The following RAPGEF5 variants were observed in gnomAD, a reference collection of about 807,000 sequenced individuals.
RAPGEF5 encodes the protein M-Ras-regulated GEF.
RAPGEF5 carries 65 observed loss-of-function variants against 125.2 expected under a neutral mutation model. That is an observed-to-expected ratio of 0.52 (90% CI 0.43 to 0.64). The LOEUF is 0.64. Among genes scored for constraint, RAPGEF5 ranks in the 30% least tolerant of loss-of-function variants. The pLI, the probability that RAPGEF5 is intolerant of heterozygous loss-of-function variation, is 0.00. For synonymous variants in RAPGEF5, 391 were observed against 385.9 expected, an observed-to-expected ratio of 1.01 and a Z score of -0.16; for missense variants, 958 against 1,048.1, an observed-to-expected ratio of 0.91 and a Z score of 1.19.
chr7:22,268,448 C>T (rs193290509), intron 6 of RAPGEF5, among the ~76,000 whole-genome samples: 12 of 152,232 alleles, frequency 7.9e-5, no homozygotes, highest in Admixed American at 1.3e-4. Flanking sequence ...TAAAAAGCAT[C>T]GAAGTAAAAA....
At chr7:22,252,756 C>G (rs902614359) in intron 7 of RAPGEF5, among the ~76,000 whole-genome samples, 1 of 152,044 alleles carries the variant, frequency 6.6e-6, no homozygotes, top group South Asian at 2.1e-4. Flanking sequence ...TTTTTAAAGG[C>G]AATTTTCTTT....
At chr7:22,166,009 C>T (rs1268219034) in intron 12 of RAPGEF5, among the ~76,000 whole-genome samples, 4 of 147,836 alleles carry the variant, frequency 2.7e-5, no homozygotes, top group Non-Finnish European at 3.0e-5. Flanking sequence ...TATATATACA[C>T]CAAATATCTA....
intron 11 of RAPGEF5, among the ~76,000 whole-genome samples, chr7:22,181,523 A>G (rs1482166241): frequency 1.1e-4 from 17 of 150,126 alleles, no homozygotes; most frequent in Admixed American, 1.1e-3. Context: ...CCTAAATGCC[A>G]GACAAGAACG....
At chr7:22,153,051 G>T (rs771163011) in intron 17 of RAPGEF5, among the ~76,000 whole-genome samples, 1 of 152,100 alleles carries the variant, frequency 6.6e-6, no homozygotes, top group South Asian at 2.1e-4. Context: ...TGAAAGAGCC[G>T]CTCATTAATT....
At chr7:22,139,116 A>C (rs754226064) in intron 21 of RAPGEF5, among the ~76,000 whole-genome samples, 36 of 152,298 alleles carry the variant, frequency 2.4e-4, no homozygotes, top group South Asian at 1.9e-3. Flanking sequence ...ACCTATTCCG[A>C]GAAAAAGATA....
intron 7 of RAPGEF5, among the ~76,000 whole-genome samples, chr7:22,260,461 C>CA (rs796891868): frequency 3.7e-4 from 45 of 120,678 alleles, no homozygotes; most frequent in African/African-American, 1.1e-3. Context: ...TAAAGTCTAT[C>CA]AAAAAAAAAG....
chr7:22,187,970 T>G (rs541089510), intron 11 of RAPGEF5, among the ~76,000 whole-genome samples: 1 of 152,332 alleles, frequency 6.6e-6, no homozygotes, highest in Non-Finnish European at 1.5e-5. Flanking sequence ...GACATTGCTG[T>G]TTTGTTAAAA....
chr7:22,193,555 T>C (rs925369032), intron 10 of RAPGEF5, 100 bp from the exon 11 acceptor site: 48 of 1,551,664 alleles, frequency 3.1e-5, no homozygotes, highest in Non-Finnish European at 4.2e-5. Flanking sequence ...GTATTTGAAA[T>C]AAGGCACATC....
intron 3 of RAPGEF5, among the ~76,000 whole-genome samples, chr7:22,312,550 C>T (rs1311899717): frequency 6.6e-6 from 1 of 152,088 alleles, no homozygotes; most frequent in Non-Finnish European, 1.5e-5. Flanking sequence ...ATGCTGGTGA[C>T]CACAAAGCCC....
intron 6 of RAPGEF5, among the ~76,000 whole-genome samples, chr7:22,268,312 G>T (rs2128142088): frequency 6.6e-6 from 1 of 152,284 alleles, no homozygotes; most frequent in Non-Finnish European, 1.5e-5. Context: ...TTTGAGCTCT[G>T]AAAATGCTCA....
intron 1 of RAPGEF5, among the ~76,000 whole-genome samples, chr7:22,329,960 T>C: frequency 6.6e-6 from 1 of 152,216 alleles, no homozygotes; most frequent in East Asian, 1.9e-4. Context: ...TCCTTCCCTC[T>C]GGGCACAAGC....
At chr7:22,126,372 C>T (rs891480003) in intron 24 of RAPGEF5, among the ~76,000 whole-genome samples, 9 of 152,202 alleles carry the variant, frequency 5.9e-5, no homozygotes, top group Admixed American at 4.6e-4. Context: ...ATCCCCACTG[C>T]TCTTCGTACA....
chr7:22,186,723 T>C (rs1784836114), intron 11 of RAPGEF5, among the ~76,000 whole-genome samples: 1 of 152,236 alleles, frequency 6.6e-6, no homozygotes, highest in South Asian at 2.1e-4. Context: ...AATTCACAGT[T>C]ACATTTTTTA....
At chr7:22,167,736 T>C (rs1322555224) in intron 11 of RAPGEF5, among the ~76,000 whole-genome samples, 1 of 152,216 alleles carries the variant, frequency 6.6e-6, no homozygotes. Context: ...CTGAGTCCAG[T>C]TAAAATTGGA....
In RAPGEF5 at chr7:22,119,977, T is replaced by C. The variant is rs1170532272; in HGVS notation, c.*2429A>G. 1 of 152,240 alleles carries C rather than the reference T, an allele frequency of 6.6e-6. No individual in the cohort carries two copies. Among genetic ancestry groups the C allele is most frequent in the Non-Finnish European group, 1.5e-5 (1 of 68,042 alleles). 9.4% of individuals were successfully genotyped at this position (152,240 alleles called of 1,614,324 possible). The stretch of plus-strand genomic sequence containing the variant: ...ATATCTGGTTCTCACAATTCGGGCT[T>C]GAATTCTTTAATTCCAGATCTAAGA... On this transcript the variant is annotated 3_prime_UTR_variant, in exon 26 of 26. Transcript: ENST00000665637. The surrounding 1 kb of genome is among the most constrained non-coding windows in gnomAD (Gnocchi z 4.1).
chr7:22,137,123 T>C lies in RAPGEF5; in HGVS notation c.2278-140A>G, dbSNP rs1583397377. The C allele has an allele frequency of 7.7e-6, 5 of 645,904 alleles. No individual in the cohort carries two copies. The East Asian group carries it at 1.1e-4, about 14-fold the overall frequency. The allele number at this position is 645,904 out of a possible 1,614,324, so 40.0% of individuals were successfully genotyped here. On this transcript the variant is annotated intron_variant, in intron 21 of 25. Transcript: ENST00000665637. ...ACCTCTATCATCTGTTCAATCCTGA[T>C]TGCTTCTCATTATGCAATTTTCATC...
chr7:22,356,114 A>C, intron 1 of RAPGEF5: 1 of 985,370 alleles, frequency 1.0e-6, no homozygotes, highest in Non-Finnish European at 1.2e-6. Flanking sequence ...CTTCTCTTAA[A>C]AATACAAAAC....
chr7:22,256,848 A>G (rs76194595), intron 7 of RAPGEF5, among the ~76,000 whole-genome samples: 1 of 152,368 alleles, frequency 6.6e-6, no homozygotes, highest in African/African-American at 2.4e-5. Flanking sequence ...ATATCTGTGC[A>G]AATTTCTGCA....
intron 22 of RAPGEF5, 122 bp downstream of exon 22, chr7:22,136,811 A>C: frequency 1.2e-6 from 1 of 815,932 alleles, no homozygotes; most frequent in East Asian, 2.8e-5. Context: ...TTTCATATAC[A>C]AGTAAACTAG....
Sources: allele counts gnomAD v4.1 joint callset (sites outside exome capture counted in the v4.1 genomes callset), GRCh38; gene constraint gnomAD v4.1.1; non-coding constraint Gnocchi (gnomAD v3.1); transcripts MANE v1.5; gene names NCBI Gene and HGNC (gene_info 2026-07-23, HGNC 2026-07-21).